NRG1: variants seen among roughly 807,000 people sequenced by gnomAD.
NRG1 encodes the protein neuregulin 1.
NRG1 carries 18 observed loss-of-function variants against 63.8 expected under a neutral mutation model. The ratio of observed to expected loss-of-function variants is 0.28; its 90% CI spans 0.19 to 0.42. The LOEUF (loss-of-function observed/expected upper bound fraction) is 0.42. Ranked by LOEUF, NRG1 falls within the 10% of genes least tolerant of loss-of-function variation. The probability of loss-of-function intolerance (pLI) is 1.00; values close to 1 mark genes in which losing one functional copy is unlikely to be tolerated. For synonymous variants in NRG1, 302 were observed against 301.3 expected (o/e 1.00, Z -0.02); for missense variants, 762 against 814.7 (o/e 0.94, Z 0.79).
chr8:32,187,859 G>A (rs1285314147), intron 1 of NRG1, among the ~76,000 whole-genome samples: 1 of 152,130 alleles, frequency 6.6e-6, no homozygotes, highest in Non-Finnish European at 1.5e-5. Context: ...TAAAGACAAC[G>A]TACCCACTTA....
chr8:32,151,622 C>T (rs1026785118), intron 1 of NRG1, among the ~76,000 whole-genome samples: 9 of 152,090 alleles, frequency 5.9e-5, no homozygotes, highest in African/African-American at 1.9e-4. Flanking sequence ...AGTCTCTATA[C>T]TTGCTGGGGA....
At chr8:32,717,297 T>C (rs1316918190) in intron 5 of NRG1, among the ~76,000 whole-genome samples, 1 of 152,178 alleles carries the variant, frequency 6.6e-6, no homozygotes, top group Middle Eastern at 3.2e-3. Flanking sequence ...ATTATATGTT[T>C]TTTTGAAACT....
intron 1 of NRG1, among the ~76,000 whole-genome samples, chr8:31,848,876 GTAA>G (rs1826942062): frequency 6.6e-6 from 1 of 152,082 alleles, no homozygotes; most frequent in Non-Finnish European, 1.5e-5. Flanking sequence ...ATATCACAAT[GTAA>G]TAATAATATA....
intron 1 of NRG1, among the ~76,000 whole-genome samples, chr8:31,726,574 C>G (rs1223896768): frequency 6.6e-6 from 1 of 152,046 alleles, no homozygotes; most frequent in Non-Finnish European, 1.5e-5. Flanking sequence ...TTTTGCAATA[C>G]AGAATTTGAG....
chr8:32,045,335 C>A (rs1417330402), intron 1 of NRG1, among the ~76,000 whole-genome samples: 3 of 151,750 alleles, frequency 2.0e-5, no homozygotes, highest in Non-Finnish European at 4.4e-5. Flanking sequence ...CATAGATGAC[C>A]TAAATGAATG....
At chr8:32,666,993 C>G (rs966951091) in intron 5 of NRG1, among the ~76,000 whole-genome samples, 1 of 152,150 alleles carries the variant, frequency 6.6e-6, no homozygotes, top group South Asian at 2.1e-4. Flanking sequence ...TACAGTCATA[C>G]GTCACTTAAT....
chr8:32,715,963 A>T (rs1439536585), intron 5 of NRG1, among the ~76,000 whole-genome samples: 2 of 152,142 alleles, frequency 1.3e-5, no homozygotes, highest in Non-Finnish European at 2.9e-5. Flanking sequence ...TTTTTAAAGA[A>T]TAGGATCAGA....
chr8:31,912,213 A>G (rs1833001161), intron 1 of NRG1, among the ~76,000 whole-genome samples: 1 of 152,212 alleles, frequency 6.6e-6, no homozygotes, highest in South Asian at 2.1e-4. Flanking sequence ...AAAACATTGA[A>G]TAAAATGCGC....
intron 1 of NRG1, among the ~76,000 whole-genome samples, chr8:31,700,247 T>G (rs1344678857): frequency 6.6e-6 from 1 of 152,152 alleles, no homozygotes; most frequent in African/African-American, 2.4e-5. Context: ...GGTCATATTT[T>G]AATTCCTGAT....
intron 1 of NRG1, among the ~76,000 whole-genome samples, chr8:31,898,686 A>G (rs1433862994): frequency 6.6e-6 from 1 of 152,214 alleles, no homozygotes; most frequent in African/African-American, 2.4e-5. Context: ...CCTGGGTGAC[A>G]GAGCAAAAAT....
intron 5 of NRG1, among the ~76,000 whole-genome samples, chr8:32,693,278 G>A (rs543468194): frequency 7.3e-5 from 11 of 151,132 alleles, no homozygotes; most frequent in Non-Finnish European, 1.3e-4. Flanking sequence ...GAGTGCAGTG[G>A]CACAATCTCG....
intron 1 of NRG1, among the ~76,000 whole-genome samples, chr8:31,729,702 G>A (rs1005046608): frequency 6.6e-6 from 1 of 151,986 alleles, no homozygotes; most frequent in African/African-American, 2.4e-5. Context: ...TACATACTAT[G>A]TAAGAAAATA....
At chr8:32,194,672 G>C (rs1209805387) in intron 1 of NRG1, among the ~76,000 whole-genome samples, 1 of 152,080 alleles carries the variant, frequency 6.6e-6, no homozygotes, top group Non-Finnish European at 1.5e-5. Flanking sequence ...CTATCGCTTT[G>C]TTTAATATTT....
At chr8:31,878,883 G>C (rs928787628) in intron 1 of NRG1, among the ~76,000 whole-genome samples, 5 of 152,096 alleles carry the variant, frequency 3.3e-5, no homozygotes, top group African/African-American at 1.2e-4. Flanking sequence ...AATCAAGACA[G>C]AACATATAAT....
chr8:32,352,930 C>G, intron 1 of NRG1, among the ~76,000 whole-genome samples: 1 of 132,678 alleles, frequency 7.5e-6, no homozygotes, highest in Non-Finnish European at 1.6e-5. Flanking sequence ...GAGAGAGAGA[C>G]TATATATATG....
intron 1 of NRG1, among the ~76,000 whole-genome samples, chr8:32,080,584 A>C (rs752718104): frequency 6.6e-6 from 1 of 152,110 alleles, no homozygotes; most frequent in Non-Finnish European, 1.5e-5. Flanking sequence ...GGCTCCTTCC[A>C]CTCTCAGAGC....
intron 1 of NRG1, among the ~76,000 whole-genome samples, chr8:32,396,856 C>G (rs1428944193): frequency 6.6e-6 from 1 of 152,214 alleles, no homozygotes; most frequent in Non-Finnish European, 1.5e-5. Flanking sequence ...TGACATCCAT[C>G]TGAGGTCTCT....
At chr8:32,503,204 G>A (rs1193725955) in intron 1 of NRG1, among the ~76,000 whole-genome samples, 2 of 148,044 alleles carry the variant, frequency 1.4e-5, no homozygotes. Context: ...GAAGAATGGC[G>A]TGAACCAGGG....
At chr8:32,524,702 G>A (rs576225961) in intron 1 of NRG1, among the ~76,000 whole-genome samples, 3 of 152,058 alleles carry the variant, frequency 2.0e-5, no homozygotes, top group Non-Finnish European at 2.9e-5. Context: ...TAAGTCATGC[G>A]GATTTAAAAT....
Sources: gnomAD v4.1 joint callset for allele counts (sites outside exome capture counted in the v4.1 genomes callset) on GRCh38, gnomAD v4.1.1 for gene constraint, MANE v1.5 for transcripts, NCBI Gene and HGNC (gene_info 2026-07-23, HGNC 2026-07-21) for gene names.